Variants in DMD observed in about 807,000 individuals in gnomAD.
DMD encodes the protein mutant dystrophin.
A neutral mutation model predicts 330.1 loss-of-function variants in DMD; 63 were observed. That is an observed-to-expected ratio of 0.19 (90% CI 0.16 to 0.24). DMD has a LOEUF of 0.24. Ranked by LOEUF, DMD falls within the 10% of genes least tolerant of loss-of-function variation. DMD has a pLI of 1.00. For missense variants in DMD, 3,344 were observed against 2,684.1 expected (o/e 1.25, Z -5.43); for synonymous variants, 1,223 against 959.8 (o/e 1.27, Z -5.07).
At chrX:33,009,147 TATATAC>T (rs2093501194) in intron 2 of DMD, among the ~76,000 whole-genome samples, 4 of 48,484 alleles carry the variant, frequency 8.3e-5, no homozygotes, top group Admixed American at 4.5e-4. Flanking sequence ...TATATGTGTA[TATATAC>T]GTATATATGT....
At chrX:32,479,839 C>T (rs974265145) in intron 21 of DMD, among the ~76,000 whole-genome samples, 7 of 108,782 alleles carry the variant, frequency 6.4e-5, no homozygotes, top group Non-Finnish European at 1.1e-4. Context: ...AGGTTGTTTC[C>T]GTATCTTGGC....
intron 9 of DMD, among the ~76,000 whole-genome samples, chrX:32,694,694 T>C (rs912315742): frequency 4.5e-5 from 5 of 112,112 alleles, no homozygotes; most frequent in Admixed American, 1.9e-4. Context: ...TTCACTCTTG[T>C]TGCCCATGCT....
intron 44 of DMD, among the ~76,000 whole-genome samples, chrX:32,101,784 C>A (rs967552374): frequency 9.0e-6 from 1 of 111,160 alleles, no homozygotes; most frequent in Non-Finnish European, 1.9e-5. Context: ...TTAAATGTGT[C>A]CCCCAAATTT....
chrX:32,609,243 G>A (rs149408540), intron 12 of DMD, among the ~76,000 whole-genome samples: 455 of 109,982 alleles, frequency 4.1e-3, no homozygotes, highest in Non-Finnish European at 6.0e-3. Flanking sequence ...CATGTTTTCC[G>A]GCCTCCTGTT....
intron 17 of DMD, among the ~76,000 whole-genome samples, chrX:32,544,435 T>C (rs2048773934): frequency 8.9e-6 from 1 of 111,811 alleles, no homozygotes; most frequent in Non-Finnish European, 1.9e-5. Flanking sequence ...CGTTCTTTCT[T>C]AATCTTAGAA....
At chrX:32,765,034 T>A (rs1247316815) in intron 7 of DMD, among the ~76,000 whole-genome samples, 1 of 109,541 alleles carries the variant, frequency 9.1e-6, no homozygotes, top group South Asian at 4.0e-4. Context: ...TTGGGATTTA[T>A]CTGCATTTCC....
chrX:32,029,785 A>C (rs2095871225), intron 44 of DMD, among the ~76,000 whole-genome samples: 1 of 112,166 alleles, frequency 8.9e-6, no homozygotes, highest in Admixed American at 9.5e-5. Context: ...TTTGCTAAGT[A>C]AACTTAGTCA....
intron 51 of DMD, among the ~76,000 whole-genome samples, chrX:31,752,753 A>T (rs2088698676): frequency 9.0e-6 from 1 of 110,868 alleles, no homozygotes; most frequent in Non-Finnish European, 1.9e-5. Flanking sequence ...GATGCAGAAA[A>T]ACCATCTTCC....
intron 59 of DMD, among the ~76,000 whole-genome samples, chrX:31,462,795 A>G (rs2066617689): frequency 8.9e-6 from 1 of 112,493 alleles, no homozygotes; most frequent in East Asian, 2.8e-4. Flanking sequence ...GCTGCTAGTC[A>G]TGGAACTTTG....
intron 63 of DMD, among the ~76,000 whole-genome samples, chrX:31,241,158 CA>C (rs2048236412): frequency 1.8e-5 from 2 of 111,404 alleles, no homozygotes; most frequent in East Asian, 5.6e-4. Context: ...TGCTGTGGAC[CA>C]AACTCTTTCT....
chrX:32,145,704 T>C (rs902789433), intron 44 of DMD, among the ~76,000 whole-genome samples: 3 of 112,053 alleles, frequency 2.7e-5, no homozygotes, highest in African/African-American at 9.7e-5. Context: ...TTAGATAATA[T>C]ATAGATTACT....
intron 44 of DMD, among the ~76,000 whole-genome samples, chrX:32,011,155 T>C (rs183287211): frequency 8.9e-6 from 1 of 112,095 alleles, no homozygotes; most frequent in Admixed American, 9.5e-5. Context: ...ATGCAAATCA[T>C]TGACGCCTGT....
intron 51 of DMD, among the ~76,000 whole-genome samples, chrX:31,751,838 T>G (rs1299365794): frequency 8.9e-6 from 1 of 112,528 alleles, no homozygotes; most frequent in Non-Finnish European, 1.9e-5. Context: ...CCCAAATTTA[T>G]TATCTTACAA....
chrX:31,256,436 G>A (rs192287984), intron 63 of DMD, among the ~76,000 whole-genome samples: 1 of 111,665 alleles, frequency 9.0e-6, no homozygotes, highest in Non-Finnish European at 1.9e-5. Context: ...AATTTTTTGT[G>A]TAGGTACACA....
chrX:31,963,683 T>C (rs909252146), intron 45 of DMD, among the ~76,000 whole-genome samples: 55 of 110,702 alleles, frequency 5.0e-4, no homozygotes, highest in African/African-American at 1.8e-3. Flanking sequence ...CCTGGGACAA[T>C]TGAGCAGGAA....
rs181421788 is a variant in DMD at position 31,324,840 on chromosome X, T to C, written c.9164-1182A>G. 1.6e-3 allele frequency among the ~76,000 whole-genome samples: 182 copies of C among 112,036 alleles called. 1 individual carries two copies. The highest frequency in any genetic ancestry group is 1.8e-3 in the Non-Finnish European group (97 of 53,218). ...ATATATCCTCGACTACACTGTATAA[T>C]ATGAAAGAACAGCTTCTAATAAAAG... On this transcript the variant is annotated intron_variant, in intron 61 of 78. Coordinates refer to ENST00000357033, the MANE Select transcript of DMD (RefSeq NM_004006.3).
chrX:32,454,474 T>G (rs772525309), intron 26 of DMD, among the ~76,000 whole-genome samples, 188 bp downstream of exon 26: 53 of 110,795 alleles, frequency 4.8e-4, no homozygotes, highest in Middle Eastern at 4.7e-3. Context: ...TGCATTAAAA[T>G]TAAACAGTTT....
intron 48 of DMD, among the ~76,000 whole-genome samples, chrX:31,844,624 C>A (rs1264401969): frequency 9.0e-6 from 1 of 111,575 alleles, no homozygotes; most frequent in East Asian, 2.8e-4. Context: ...AGCAGTATGT[C>A]CATTTTAATG....
At chrX:32,762,043 G>A (rs1383485888) in intron 7 of DMD, among the ~76,000 whole-genome samples, 2 of 108,671 alleles carry the variant, frequency 1.8e-5, no homozygotes, top group Admixed American at 9.9e-5. Flanking sequence ...CCAGCTACTC[G>A]GGAGGCTGAG....
Sources: gnomAD v4.1 joint callset for allele counts (sites outside exome capture counted in the v4.1 genomes callset) on GRCh38, gnomAD v4.1.1 for gene constraint, MANE v1.5 for transcripts, NCBI Gene and HGNC (gene_info 2026-07-23, HGNC 2026-07-21) for gene names.